The following CTSB variants were observed in gnomAD, a reference collection of about 807,000 sequenced individuals.
The protein encoded by CTSB is APP secretase.
A neutral mutation model predicts 44.3 loss-of-function variants in CTSB; 57 were observed. The observed-to-expected ratio is 1.29, with a 90% CI of 1.04 to 1.60. The LOEUF (loss-of-function observed/expected upper bound fraction) is 1.60, where lower values mean the gene tolerates loss of function less well. CTSB is among the 40% of genes most tolerant of loss of function. The pLI is 0.00. For synonymous variants in CTSB, 320 were observed against 168.0 expected (o/e 1.91, Z -7.00); for missense variants, 768 against 443.0 (o/e 1.73, Z -6.59).
chr8:11,852,148 A>T (rs1444159076), intron 3 of CTSB, among the ~76,000 whole-genome samples: 2 of 152,106 alleles, frequency 1.3e-5, no homozygotes, highest in East Asian at 3.9e-4. Context: ...TGGGCAGATG[A>T]CTTGCTGAGG....
At chr8:11,846,099 C>A in intron 8 of CTSB, 1 of 197,880 alleles carries the variant, frequency 5.1e-6, no homozygotes, top group South Asian at 1.2e-4. Context: ...ATGACTGATT[C>A]ATCTGTTCTT....
intron 1 of CTSB, among the ~76,000 whole-genome samples, chr8:11,858,593 C>G (rs1815901244): frequency 1.3e-5 from 2 of 152,198 alleles, no homozygotes; most frequent in African/African-American, 2.4e-5. Flanking sequence ...CCCAGTAAAA[C>G]AAGCTCTTAA....
intron 5 of CTSB, among the ~76,000 whole-genome samples, 158 bp downstream of exon 5, chr8:11,848,888 C>T (rs115776626): frequency 0.017 from 2,600 of 152,306 alleles, 77 homozygotes; most frequent in African/African-American, 0.059. Context: ...CAGGAAGCAG[C>T]AGCCTTGCCA....
Position 11,845,652 on chromosome 8 carries a change from G to A in CTSB, c.922+9C>T, listed in dbSNP as rs1813163251. On this transcript the variant is annotated intron_variant, in intron 9 of 9. Transcript: ENST00000353047. ...CACTGTTCTTGGCAGGAAGGGGGCA[G>A]CCACTCACCATTGTCACCCCAGTCA... 8 of 1,611,520 alleles carry A rather than the reference G, an allele frequency of 5.0e-6. No individual in the cohort carries two copies. The highest frequency in any genetic ancestry group is 6.8e-6 in the Non-Finnish European group (8 of 1,178,090).
chr8:11,845,524 C>A, intron 9 of CTSB, 137 bp downstream of exon 9: 1 of 1,066,838 alleles, frequency 9.4e-7, no homozygotes, highest in Non-Finnish European at 1.3e-6. Context: ...GACTGCCTGG[C>A]ACTTAGGAGG....
intron 9 of CTSB, 152 bp downstream of exon 9, chr8:11,845,509 C>A: frequency 1.1e-6 from 1 of 931,064 alleles, no homozygotes; most frequent in Non-Finnish European, 1.6e-6. Context: ...CAAAAGGGAA[C>A]TCCTGACTGC....
intron 2 of CTSB, 60 bp downstream of exon 2, chr8:11,853,269 G>C (rs1814926595): frequency 1.1e-5 from 18 of 1,590,172 alleles, no homozygotes; most frequent in Non-Finnish European, 1.0e-5. Context: ...CATTCCTGGA[G>C]TCAGTGTGCA....
At chr8:11,853,218 C>G in intron 2 of CTSB, 111 bp downstream of exon 2, 2 of 1,473,962 alleles carry the variant, frequency 1.4e-6, no homozygotes, top group Non-Finnish European at 1.8e-6. Context: ...TTTCAACAGT[C>G]CAGGACAATG....
intron 8 of CTSB, 156 bp downstream of exon 8, chr8:11,846,896 G>T (rs1326688746): frequency 1.6e-6 from 1 of 619,388 alleles, no homozygotes; most frequent in African/African-American, 1.8e-5. Flanking sequence ...CTGGTCCACA[G>T]AGGAGTGAGC....
chr8:11,847,185 G>A lies in CTSB; in HGVS notation c.677-17C>T. 6.4e-7 allele frequency: 1 copy of A among 1,553,532 alleles called. No individual in the cohort carries two copies. The highest frequency in any genetic ancestry group is 8.9e-7 in the Non-Finnish European group (1 of 1,125,690). On this transcript the variant is annotated splice_polypyrimidine_tract_variant and intron_variant, in intron 7 of 9. Coordinates refer to ENST00000353047, the MANE Select transcript of CTSB (RefSeq NM_001908.5). The stretch of plus-strand genomic sequence containing the variant: ...AATTGTATCCTGGAAAATGAACCGA[G>A]CTCGGGGTTGGGGAGGGCAGTGACC...
Position 11,853,404 on chromosome 8 carries a change from G to A in CTSB, c.51C>T (p.Ala17=). The A allele has an allele frequency of 6.2e-7, 1 of 1,612,802 alleles. No individual in the cohort carries two copies. Residue 17 remains alanine, a synonymous_variant, in exon 2 of 10, where the codon GCC becomes GCT. Transcript: ENST00000353047. Reference sequence around the variant, plus strand: ...GGGGATGGAAAGAGGGCCTGCTCCGGGCATTGGCCAACACCAGCAGGCAGC... The same window carrying A: ...GGGGATGGAAAGAGGGCCTGCTCCGAGCATTGGCCAACACCAGCAGGCAGC... ...SLCCLLVLAN[A]RSRPSFHPLS...
At position 11,849,143 on chromosome 8, in the gene CTSB, T is replaced by C; in HGVS notation, c.349A>G (p.Ile117Val). 1.9e-6 allele frequency: 3 copies of C among 1,612,792 alleles called. No individual in the cohort carries two copies. The highest frequency in any genetic ancestry group is 2.5e-6 in the Non-Finnish European group (3 of 1,179,756). ...GTGTGGATGCAGATCCGGTCAGAGA[T>C]GGCTTCCACAGCCCCGAAGGCCTGC... ...SCWAFGAVEA[I>V]SDRICIHTNA... The change falls in exon 5 of 10, where the codon ATC becomes GTC. Residue 117 changes from isoleucine (I) to valine (V), a missense_variant. By Grantham distance (29) the Ile-to-Val change is conservative. Coordinates refer to ENST00000353047, the MANE Select transcript of CTSB (RefSeq NM_001908.5).
chr8:11,859,564 C>T (rs1487294756), intron 1 of CTSB, among the ~76,000 whole-genome samples: 1 of 151,686 alleles, frequency 6.6e-6, no homozygotes, highest in Admixed American at 6.6e-5. Flanking sequence ...AGTTCGAGAC[C>T]AGCCTGTCTC....
intron 1 of CTSB, among the ~76,000 whole-genome samples, chr8:11,863,943 TC>T (rs1816761849): frequency 6.6e-6 from 1 of 152,140 alleles, no homozygotes; most frequent in African/African-American, 2.4e-5. Flanking sequence ...CAGAAACTCT[TC>T]TAAGTATCTG....
intron 3 of CTSB, among the ~76,000 whole-genome samples, chr8:11,851,220 C>T (rs1413564306): frequency 6.6e-6 from 1 of 151,958 alleles, no homozygotes; most frequent in Non-Finnish European, 1.5e-5. Context: ...GACAGAATTT[C>T]ACTGTGTCAT....
At chr8:11,847,283 G>GGACTT (rs1813576264) in intron 7 of CTSB, 115 bp from the exon 8 acceptor site, 1 of 721,256 alleles carries the variant, frequency 1.4e-6, no homozygotes, top group South Asian at 1.6e-5. Flanking sequence ...GCATCTAAGG[G>GGACTT]GACTTGCCCT....
At chr8:11,849,593 T>TC (rs372321613) in intron 4 of CTSB, 5 of 153,602 alleles carry the variant, frequency 3.3e-5, no homozygotes, top group African/African-American at 1.2e-4. Flanking sequence ...TTTTTTTTTT[T>TC]CCTGGAGGCG....
rs140586498 is a variant in CTSB, at chr8:11,853,405, G to A, written c.50C>T (p.Ala17Val). 1.8e-5 allele frequency: 29 copies of A among 1,612,690 alleles called. No homozygotes were observed. The Admixed American group carries it at 4.3e-4, about 24-fold the overall frequency. Residue 17 changes from alanine (A) to valine (V), a missense_variant, in exon 2 of 10, where the codon GCC becomes GTC. Coordinates refer to ENST00000353047, the MANE Select transcript of CTSB (RefSeq NM_001908.5). The part of the protein sequence containing the change: ...SLCCLLVLAN[A>V]RSRPSFHPLS... ...GGGATGGAAAGAGGGCCTGCTCCGG[G>A]CATTGGCCAACACCAGCAGGCAGCA...
intron 1 of CTSB, among the ~76,000 whole-genome samples, chr8:11,863,531 C>A (rs1238718825): frequency 6.6e-6 from 1 of 152,016 alleles, no homozygotes; most frequent in Non-Finnish European, 1.5e-5. Flanking sequence ...TGTCACTCAA[C>A]CCATTTATGC....
Sources: allele counts gnomAD v4.1 joint callset (sites outside exome capture counted in the v4.1 genomes callset), GRCh38; gene constraint gnomAD v4.1.1; transcripts MANE v1.5; gene names NCBI Gene and HGNC (gene_info 2026-07-23, HGNC 2026-07-21).